Variants in ACOT9 observed in about 807,000 individuals in gnomAD.
The protein encoded by ACOT9 is acyl-coenzyme A thioesterase 9, mitochondrial.
A neutral mutation model predicts 39.7 loss-of-function variants in ACOT9; 34 were observed. The ratio of observed to expected loss-of-function variants is 0.86; its 90% CI spans 0.65 to 1.14. ACOT9 has a LOEUF of 1.14. Among genes scored for constraint, ACOT9 ranks in the 50% most tolerant of loss-of-function variants. ACOT9 has a pLI of 0.00. For missense variants in ACOT9, 313 were observed against 344.1 expected (o/e 0.91, Z 0.71); for synonymous variants, 110 against 120.5 (o/e 0.91, Z 0.57).
chrX:23,729,056 C>T (rs530401495), intron 6 of ACOT9, among the ~76,000 whole-genome samples: 1 of 64,122 alleles, frequency 1.6e-5, no homozygotes, highest in South Asian at 1.1e-3. Context: ...ATGAAGGTCT[C>T]AAAGTTACCT....
In ACOT9 at chrX:23,743,162, C is replaced by T; in HGVS notation, c.-18G>A. 8.7e-7 allele frequency: 1 copy of T among 1,152,662 alleles called. No homozygotes were observed. The highest frequency in any genetic ancestry group is 2.4e-4 in the Middle Eastern group (1 of 4,124). 95.0% of individuals were successfully genotyped at this position (1,152,662 alleles called of 1,213,427 possible). On this transcript the variant is annotated 5_prime_UTR_variant, in exon 1 of 16. Coordinates refer to ENST00000379303, the MANE Select transcript of ACOT9 (RefSeq NM_001037171.2). ...CGCCTCATTGCGCTAGGCTGCCGTG[C>T]GCGCGATGGAGAACCGGGCCCCGCG... is the stretch of plus-strand genomic sequence containing the variant.
At chrX:23,727,844 C>T (rs939332681) in intron 6 of ACOT9, among the ~76,000 whole-genome samples, 2 of 107,573 alleles carry the variant, frequency 1.9e-5, no homozygotes, top group Admixed American at 2.0e-4. Flanking sequence ...ACTAAAAATA[C>T]AAAAATTAGC....
chrX:23,714,169 T>C (rs1050873482), intron 8 of ACOT9, among the ~76,000 whole-genome samples: 1 of 111,522 alleles, frequency 9.0e-6, no homozygotes, highest in African/African-American at 3.3e-5. Context: ...ATTTGCCTGC[T>C]TTCCTCAGAA....
rs769926537 is a variant in ACOT9, at chrX:23,703,884, T to C, written c.*10A>G. 1.7e-6 allele frequency: 2 copies of C among 1,203,046 alleles called. No individual in the cohort carries two copies. Among genetic ancestry groups the C allele is most frequent in the Non-Finnish European group, 1.1e-6 (1 of 888,308 alleles). On this transcript the variant is annotated 3_prime_UTR_variant, in exon 16 of 16. Transcript: ENST00000379303. The stretch of plus-strand genomic sequence containing the variant: ...GGGTAGAGTGCTAGTTTTCAACAAA[T>C]GTGGTGTTCTTAGGGCTCCACAAGG...
chrX:23,720,128 C>T (rs1181222784), intron 8 of ACOT9, among the ~76,000 whole-genome samples: 2 of 113,151 alleles, frequency 1.8e-5, no homozygotes, highest in African/African-American at 6.4e-5. Context: ...CCACCGCGCC[C>T]AGCCAGTCAT....
At chrX:23,738,406 C>T (rs1489712690) in intron 1 of ACOT9, among the ~76,000 whole-genome samples, 2 of 106,377 alleles carry the variant, frequency 1.9e-5, no homozygotes, top group African/African-American at 3.4e-5. Flanking sequence ...GTCAGGAGTC[C>T]GAGACCAGCC....
At chrX:23,721,137 C>A (rs1601812552) in intron 8 of ACOT9, among the ~76,000 whole-genome samples, 1 of 110,653 alleles carries the variant, frequency 9.0e-6, no homozygotes, top group African/African-American at 3.3e-5. Flanking sequence ...GTTGCCCAGG[C>A]TGGAGTGCAG....
intron 4 of ACOT9, among the ~76,000 whole-genome samples, chrX:23,732,577 T>C (rs1468410153): frequency 1.8e-5 from 2 of 112,190 alleles, no homozygotes; most frequent in Non-Finnish European, 3.8e-5. Context: ...AGTCATTAGA[T>C]AATTTCTATA....
chrX:23,723,752 T>C (rs182449632), intron 6 of ACOT9, among the ~76,000 whole-genome samples: 1 of 111,129 alleles, frequency 9.0e-6, no homozygotes, highest in Admixed American at 9.8e-5. Flanking sequence ...CTTCCATCTA[T>C]GCACCTGCTA....
chrX:23,731,095 G>GC (rs916903919), intron 4 of ACOT9, 109 bp from the exon 5 acceptor site: 3 of 604,226 alleles, frequency 5.0e-6, no homozygotes, highest in Admixed American at 8.6e-5. Flanking sequence ...GAAGGTCTGG[G>GC]CCTACTTTCA....
chrX:23,740,414 GT>G (rs1184398009), intron 1 of ACOT9, among the ~76,000 whole-genome samples: 1 of 110,882 alleles, frequency 9.0e-6, no homozygotes, highest in Non-Finnish European at 1.9e-5. Context: ...GCATGTAATG[GT>G]AACTTTTCAC....
At chrX:23,721,716 G>A (rs776134438) in intron 8 of ACOT9, among the ~76,000 whole-genome samples, 165 bp downstream of exon 8, 1 of 112,169 alleles carries the variant, frequency 8.9e-6, no homozygotes, top group Admixed American at 9.6e-5. Context: ...TGTCCACAAG[G>A]AGGATATTAA....
intron 1 of ACOT9, 76 bp from the exon 2 acceptor site, chrX:23,736,092 AG>A: frequency 2.4e-6 from 2 of 836,657 alleles, no homozygotes; most frequent in Non-Finnish European, 3.5e-6. Flanking sequence ...CCCTCCTCCC[AG>A]AGTATCTGGC....
intron 6 of ACOT9, among the ~76,000 whole-genome samples, chrX:23,728,972 C>T (rs1929630306): frequency 9.0e-6 from 1 of 111,262 alleles, no homozygotes; most frequent in African/African-American, 3.3e-5. Flanking sequence ...ATGATAGTAA[C>T]ATATTATAGT....
rs961503706 is a variant in ACOT9 at position 23,733,369 on chromosome X, G to A, written c.146-152C>T. ...ATTTAATGCCACAACAAACAGCTCA[G>A]GGACAGGATCAAGCCTCTGCTCCCT... On this transcript the variant is annotated intron_variant, in intron 3 of 15. Coordinates refer to ENST00000379303, the MANE Select transcript of ACOT9 (RefSeq NM_001037171.2). The A allele has an allele frequency of 8.1e-6, 4 of 496,685 alleles. No homozygotes were observed. In the South Asian group the frequency reaches 1.3e-4, roughly 16 times the overall value. 40.9% of individuals were successfully genotyped at this position (496,685 alleles called of 1,213,427 possible). A position where few individuals can be genotyped will look rare whatever the true frequency, so the allele number is the denominator to read the frequency against.
rs769740630 is a variant in ACOT9 at position 23,721,785 on chromosome X, A to C, written c.588+96T>G. On this transcript the variant is annotated intron_variant, in intron 8 of 15. Coordinates refer to ENST00000379303, the MANE Select transcript of ACOT9 (RefSeq NM_001037171.2). ...TGTTTTTCTAGAAGCAGTGAGCAACATACCTGTCTACAGATACATAGGTAA... is the reference window on the plus strand; with the variant it reads ...TGTTTTTCTAGAAGCAGTGAGCAACCTACCTGTCTACAGATACATAGGTAA... 2.7e-5 allele frequency: 18 copies of C among 665,563 alleles called. 1 individual carries two copies. The highest frequency in any genetic ancestry group is 4.1e-5 in the Non-Finnish European group (18 of 437,989). 54.8% of individuals were successfully genotyped at this position (665,563 alleles called of 1,213,427 possible). A position where few individuals can be genotyped will look rare whatever the true frequency, so the allele number is the denominator to read the frequency against.
chrX:23,734,452 T>C (rs1349918483), intron 2 of ACOT9, 85 bp from the exon 3 acceptor site: 9 of 825,090 alleles, frequency 1.1e-5, no homozygotes, highest in Admixed American at 8.6e-5. Flanking sequence ...AAATACTGTG[T>C]TGAGTTTATG....
chrX:23,720,439 C>T (rs1469426024), intron 8 of ACOT9, among the ~76,000 whole-genome samples: 14 of 111,159 alleles, frequency 1.3e-4, no homozygotes, highest in South Asian at 3.8e-4. Context: ...GAGGTCATGC[C>T]GGAGTAGCGT....
chrX:23,734,128 A>T (rs1484555070), intron 3 of ACOT9, among the ~76,000 whole-genome samples: 1 of 111,774 alleles, frequency 8.9e-6, no homozygotes, highest in Non-Finnish European at 1.9e-5. Flanking sequence ...CTAATATCCA[A>T]ATCTGAGTCT....
Sources: gnomAD v4.1 joint callset for allele counts (sites outside exome capture counted in the v4.1 genomes callset) on GRCh38, gnomAD v4.1.1 for gene constraint, MANE v1.5 for transcripts, NCBI Gene and HGNC (gene_info 2026-07-23, HGNC 2026-07-21) for gene names.